Variants in CACNA2D3 observed in about 807,000 individuals in gnomAD.
The protein encoded by CACNA2D3 is calcium voltage-gated channel auxiliary subunit alpha2delta 3.
Under a neutral mutation model 160.6 loss-of-function variants are expected in CACNA2D3, and 60 were observed. The observed-to-expected ratio is 0.37, with a 90% CI of 0.30 to 0.46. The LOEUF (loss-of-function observed/expected upper bound fraction) is 0.46. Among genes scored for constraint, CACNA2D3 ranks in the 20% least tolerant of loss-of-function variants. The pLI is 1.00. For missense variants in CACNA2D3, 1,205 were observed against 1,365.0 expected (o/e 0.88, Z 1.85); for synonymous variants, 558 against 492.9 (o/e 1.13, Z -1.75).
At chr3:54,785,191 G>T (rs1478452495) in intron 13 of CACNA2D3, among the ~76,000 whole-genome samples, 1 of 152,210 alleles carries the variant, frequency 6.6e-6, no homozygotes, top group Non-Finnish European at 1.5e-5. Context: ...TTGACTGAAA[G>T]ATATGTTTCT....
At chr3:54,511,365 C>G (rs1424072024) in intron 5 of CACNA2D3, among the ~76,000 whole-genome samples, 1 of 151,834 alleles carries the variant, frequency 6.6e-6, no homozygotes, top group African/African-American at 2.4e-5. Context: ...TTTTTCATTC[C>G]CTTGGGACCA....
chr3:54,362,808 G>C (rs189267837), intron 3 of CACNA2D3, among the ~76,000 whole-genome samples: 1 of 152,350 alleles, frequency 6.6e-6, no homozygotes, highest in African/African-American at 2.4e-5. Context: ...ACTCCCCAAA[G>C]TGTGGACCAT....
chr3:54,723,609 C>A (rs998398769), intron 11 of CACNA2D3, among the ~76,000 whole-genome samples: 1 of 152,200 alleles, frequency 6.6e-6, no homozygotes, highest in Non-Finnish European at 1.5e-5. Flanking sequence ...CAGGCTCAGT[C>A]CCTCATGGTT....
At chr3:54,825,441 A>G (rs377539846) in intron 14 of CACNA2D3, among the ~76,000 whole-genome samples, 10 of 152,294 alleles carry the variant, frequency 6.6e-5, no homozygotes, top group African/African-American at 2.4e-4. Flanking sequence ...TCTGTAGGTC[A>G]TTTTTATTGA....
intron 14 of CACNA2D3, among the ~76,000 whole-genome samples, chr3:54,835,559 C>T (rs777578473): frequency 2.0e-5 from 3 of 152,160 alleles, no homozygotes; most frequent in Admixed American, 6.5e-5. Flanking sequence ...GGGCTTCAAA[C>T]GCTTAGATTT....
chr3:54,422,802 C>G lies in CACNA2D3; in HGVS notation c.381+36028C>G, dbSNP rs141754477. 1.6e-3 allele frequency among the ~76,000 whole-genome samples: 245 copies of G among 152,318 alleles called. 3 individuals carry two copies. The Middle Eastern group carries it at 0.02, about 13-fold the overall frequency. ...ATGCACAGACCCTACGAACCAGCAA[C>G]TCCACGCCTTGCAATCTGCCTACAG... On this transcript the variant is annotated intron_variant, in intron 4 of 37. Coordinates refer to ENST00000474759, the MANE Select transcript of CACNA2D3 (RefSeq NM_018398.3).
intron 9 of CACNA2D3, among the ~76,000 whole-genome samples, chr3:54,593,526 G>A (rs1702899687): frequency 6.6e-6 from 1 of 152,104 alleles, no homozygotes; most frequent in South Asian, 2.1e-4. Context: ...CTGTTAGCGT[G>A]TCTTTACAAT....
intron 13 of CACNA2D3, among the ~76,000 whole-genome samples, chr3:54,769,110 A>T (rs1365696830): frequency 6.6e-6 from 1 of 152,124 alleles, no homozygotes; most frequent in Non-Finnish European, 1.5e-5. Flanking sequence ...ACAAACAACA[A>T]CAAAACCCCA....
chr3:54,329,286 G>A (rs1282662007), intron 3 of CACNA2D3, among the ~76,000 whole-genome samples: 1 of 152,106 alleles, frequency 6.6e-6, no homozygotes, highest in East Asian at 1.9e-4. Context: ...CTACTACGGT[G>A]CTTCAAACTA....
At chr3:54,871,695 C>A in intron 18 of CACNA2D3, 73 bp downstream of exon 18, 1 of 1,209,756 alleles carries the variant, frequency 8.3e-7, no homozygotes, top group Non-Finnish European at 1.2e-6. Context: ...GGGGCGATCC[C>A]AGGAGTTGGC....
At chr3:54,282,247 A>T (rs779318282) in intron 2 of CACNA2D3, among the ~76,000 whole-genome samples, 3 of 152,230 alleles carry the variant, frequency 2.0e-5, no homozygotes, top group Non-Finnish European at 4.4e-5. Context: ...TTCTATGTCA[A>T]ATATCTGTAA....
At chr3:54,777,830 A>T (rs1702453190) in intron 13 of CACNA2D3, among the ~76,000 whole-genome samples, 1 of 152,204 alleles carries the variant, frequency 6.6e-6, no homozygotes, top group African/African-American at 2.4e-5. Context: ...CACACCTTAT[A>T]AGTGCAGGGA....
At chr3:54,387,228 T>C (rs1868505) in intron 4 of CACNA2D3, among the ~76,000 whole-genome samples, 131,617 of 152,298 alleles carry the variant, frequency 0.86, 56,931 homozygotes, top group African/African-American at 0.88. Flanking sequence ...GAGATTCAAA[T>C]ATCCATTTCA....
At chr3:54,346,402 T>A (rs934562907) in intron 3 of CACNA2D3, among the ~76,000 whole-genome samples, 1 of 152,222 alleles carries the variant, frequency 6.6e-6, no homozygotes, top group African/African-American at 2.4e-5. Context: ...AAATAGCCTT[T>A]GCCATAGTTA....
chr3:54,866,959 C>T (rs549602969), intron 17 of CACNA2D3, among the ~76,000 whole-genome samples: 1 of 152,338 alleles, frequency 6.6e-6, no homozygotes, highest in African/African-American at 2.4e-5. Context: ...TAAACTCTCC[C>T]CCACAGATTT....
intron 11 of CACNA2D3, among the ~76,000 whole-genome samples, chr3:54,681,382 C>CAAAAAAAAAAA (rs565556596): frequency 4.8e-5 from 3 of 62,098 alleles, no homozygotes; most frequent in African/African-American, 1.6e-4. Context: ...ACTAAAAATA[C>CAAAAAAAAAAA]AAAAAAAAAA....
chr3:54,844,392 A>G (rs552690510), intron 16 of CACNA2D3, among the ~76,000 whole-genome samples: 2 of 152,216 alleles, frequency 1.3e-5, no homozygotes, highest in African/African-American at 4.8e-5. Flanking sequence ...GCAATAAGGA[A>G]ACAGAGATGG....
chr3:54,821,735 CTT>C (rs1202886761), intron 14 of CACNA2D3, among the ~76,000 whole-genome samples: 2 of 142,156 alleles, frequency 1.4e-5, no homozygotes, highest in African/African-American at 5.1e-5. Flanking sequence ...CTCTCTCTCT[CTT>C]TCTCTCTCTC....
At chr3:54,130,318 A>G (rs1216254333) in intron 2 of CACNA2D3, among the ~76,000 whole-genome samples, 12 of 152,114 alleles carry the variant, frequency 7.9e-5, no homozygotes, top group Non-Finnish European at 1.6e-4. Context: ...TTCTTATTTT[A>G]TGAGTAACAG....
Sources: allele counts gnomAD v4.1 joint callset (sites outside exome capture counted in the v4.1 genomes callset), GRCh38; gene constraint gnomAD v4.1.1; transcripts MANE v1.5; gene names NCBI Gene and HGNC (gene_info 2026-07-23, HGNC 2026-07-21).